Variants in CCNYL1 observed in about 807,000 individuals in gnomAD.
The protein encoded by CCNYL1 is cyclin Y like 1.
CCNYL1 carries 16 observed loss-of-function variants against 44.2 expected under a neutral mutation model. The observed-to-expected ratio is 0.36, with a 90% CI of 0.25 to 0.55. The LOEUF (loss-of-function observed/expected upper bound fraction) is 0.55, where lower values mean the gene tolerates loss of function less well. Among genes scored for constraint, CCNYL1 ranks in the 20% least tolerant of loss-of-function variants. The pLI, the probability that CCNYL1 is intolerant of heterozygous loss-of-function variation, is 0.85. For synonymous variants in CCNYL1, 159 were observed against 163.2 expected (o/e 0.97, Z 0.20); for missense variants, 348 against 451.8 (o/e 0.77, Z 2.08).
In CCNYL1 at chr2:207,711,927, C is replaced by T. The variant is rs1467859888; in HGVS notation, c.31C>T (p.Pro11Ser). The change falls in exon 1 of 10, where the codon CCC (proline) becomes TCC (serine). Residue 11 changes from proline to serine, a missense_variant. Physicochemically the swap from Pro to Ser is moderately conservative, Grantham distance 74. This residue lies in a region of CCNYL1 where 209 missense variants were observed against 247.7 expected (regional missense o/e 0.84). Coordinates refer to ENST00000295414, the MANE Select transcript of CCNYL1 (RefSeq NM_001330218.2). ...GAACACGCTGACCTGTTGCGTGTCC[C>T]CCAATGCCAGCCCCAAGCTGGGCCG... MGNTLTCCVS[P>S]NASPKLGRRA... 1.4e-6 allele frequency: 2 copies of T among 1,398,180 alleles called. No individual in the cohort carries two copies. Among genetic ancestry groups the T allele is most frequent in the Non-Finnish European group, 9.3e-7 (1 of 1,073,452 alleles). 86.6% of individuals were successfully genotyped at this position (1,398,180 alleles called of 1,614,324 possible).
intron 3 of CCNYL1, among the ~76,000 whole-genome samples, chr2:207,727,268 T>A (rs191900458): frequency 3.3e-5 from 5 of 152,350 alleles, no homozygotes; most frequent in Admixed American, 1.3e-4. Flanking sequence ...ACCGTGACCT[T>A]ATTTTCTTCC....
chr2:207,711,823 G>A lies in CCNYL1; in HGVS notation c.-74G>A. ...CGGTGCCGGCCGCGCCATTGTTGGG[G>A]GAGGGGGCGGCTGTTGAGGGCGGCG... On this transcript the variant is annotated 5_prime_UTR_variant, in exon 1 of 10. Transcript: ENST00000295414. 2 of 1,046,696 alleles carry A rather than the reference G, an allele frequency of 1.9e-6. No homozygotes were observed. The highest frequency in any genetic ancestry group is 2.5e-6 in the Non-Finnish European group (2 of 785,992). The allele number at this position is 1,046,696 out of a possible 1,614,324, so 64.8% of individuals were successfully genotyped here.
At chr2:207,713,515 T>G (rs911854288) in intron 1 of CCNYL1, among the ~76,000 whole-genome samples, 10 of 152,166 alleles carry the variant, frequency 6.6e-5, no homozygotes, top group Non-Finnish European at 8.8e-5. Context: ...GAGATAAGTC[T>G]AGGTAAAAAT....
chr2:207,732,419 A>G (rs541345022), intron 3 of CCNYL1, among the ~76,000 whole-genome samples: 1 of 152,314 alleles, frequency 6.6e-6, no homozygotes, highest in African/African-American at 2.4e-5. Context: ...CACTGTATGG[A>G]TATTTCTGAT....
chr2:207,713,080 C>G (rs982778802), intron 1 of CCNYL1, among the ~76,000 whole-genome samples: 1 of 152,202 alleles, frequency 6.6e-6, no homozygotes, highest in African/African-American at 2.4e-5. Context: ...TCCCAAAGTG[C>G]TGGGATTACA....
chr2:207,751,172 A>G lies in CCNYL1; in HGVS notation c.969+53A>G, dbSNP rs538032880. 1.5e-5 allele frequency: 22 copies of G among 1,475,600 alleles called. No individual in the cohort carries two copies. In the East Asian group the frequency reaches 4.5e-4, roughly 30 times the overall value. The allele number at this position is 1,475,600 out of a possible 1,614,324, so 91.4% of individuals were successfully genotyped here. ...TTTTCCATCAGCCACCAAAGCCAAC[A>G]TCTGTGACTAAATCATATTAAGTAG... is the stretch of plus-strand genomic sequence containing the variant. On this transcript the variant is annotated intron_variant, in intron 9 of 9. Transcript: ENST00000295414.
chr2:207,740,084 G>C (rs2663880), intron 5 of CCNYL1, among the ~76,000 whole-genome samples: 23,317 of 151,940 alleles, frequency 0.15, 2,926 homozygotes, highest in East Asian at 0.38. Context: ...ACCACACTTG[G>C]AGAACCACTG....
intron 5 of CCNYL1, among the ~76,000 whole-genome samples, chr2:207,740,114 A>C (rs961055314): frequency 6.6e-6 from 1 of 152,200 alleles, no homozygotes; most frequent in Non-Finnish European, 1.5e-5. Context: ...AATGAGCACA[A>C]TGTATTAGTT....
intron 3 of CCNYL1, among the ~76,000 whole-genome samples, chr2:207,728,684 C>T (rs1241640856): frequency 1.3e-5 from 2 of 152,324 alleles, no homozygotes; most frequent in Non-Finnish European, 2.9e-5. Flanking sequence ...GAATCTGTTG[C>T]CATTGTGTGA....
intron 3 of CCNYL1, among the ~76,000 whole-genome samples, chr2:207,732,214 C>T (rs991198340): frequency 1.3e-5 from 2 of 152,112 alleles, no homozygotes; most frequent in East Asian, 1.9e-4. Context: ...CACACATACA[C>T]AGTTAATGTA....
At chr2:207,730,720 T>C (rs1024015323) in intron 3 of CCNYL1, among the ~76,000 whole-genome samples, 1 of 152,184 alleles carries the variant, frequency 6.6e-6, no homozygotes, top group South Asian at 2.1e-4. Flanking sequence ...ATTGCACCAC[T>C]GCACTCCAGC....
chr2:207,729,386 G>A (rs867360253), intron 3 of CCNYL1, among the ~76,000 whole-genome samples: 33 of 150,752 alleles, frequency 2.2e-4, no homozygotes, highest in African/African-American at 7.5e-4. Context: ...CTTTTTGAAG[G>A]TATTTTAAGA....
chr2:207,752,398 C>T (rs937424707), intron 9 of CCNYL1, among the ~76,000 whole-genome samples: 10 of 151,548 alleles, frequency 6.6e-5, no homozygotes, highest in African/African-American at 1.5e-4. Flanking sequence ...AAAAATTAGC[C>T]GGGCGTGGTG....
chr2:207,717,492 G>A (rs7582672), intron 1 of CCNYL1, among the ~76,000 whole-genome samples: 24,244 of 152,076 alleles, frequency 0.16, 3,252 homozygotes, highest in East Asian at 0.38. Flanking sequence ...GGGAGCTAGG[G>A]ATAGATAATA....
chr2:207,711,967 C>G lies in CCNYL1; in HGVS notation c.71C>G (p.Ala24Gly), dbSNP rs535464072. Reference protein sequence around the residue: ...SPKLGRRAGSAELYCASDIYE... With the variant: ...SPKLGRRAGSGELYCASDIYE... ...AAGCTGGGCCGGCGCGCGGGGTCGG[C>G]GGAGCTGTACTGCGCGTCCGACATC... Residue 24 changes from alanine (A) to glycine (G), a missense_variant, in exon 1 of 10, where the codon GCG becomes GGG. Around this residue, in one of 3 missense-constraint regions of CCNYL1, gnomAD observed 209 missense variants for 247.7 expected, o/e 0.84. Coordinates refer to ENST00000295414, the MANE Select transcript of CCNYL1 (RefSeq NM_001330218.2). 28 of 1,404,804 alleles carry G rather than the reference C, an allele frequency of 2.0e-5. 1 individual carries two copies. The South Asian group carries it at 4.2e-4, about 21-fold the overall frequency. The allele number at this position is 1,404,804 out of a possible 1,614,324, so 87.0% of individuals were successfully genotyped here. A position where few individuals can be genotyped will look rare whatever the true frequency, so the allele number is the denominator to read the frequency against.
At chr2:207,740,769 A>C (rs1285072471) in intron 6 of CCNYL1, 63 bp downstream of exon 6, 1 of 930,550 alleles carries the variant, frequency 1.1e-6, no homozygotes, top group Non-Finnish European at 1.7e-6. Flanking sequence ...TTTCATGCTG[A>C]TATTTATAAA....
At chr2:207,714,227 AG>A (rs2091575217) in intron 1 of CCNYL1, 1 of 381,410 alleles carries the variant, frequency 2.6e-6, no homozygotes, top group Admixed American at 3.6e-5. Flanking sequence ...CCCATAAAAT[AG>A]TCCTGTTTTT....
chr2:207,721,399 A>G (rs1394591061), intron 1 of CCNYL1, among the ~76,000 whole-genome samples: 4 of 152,230 alleles, frequency 2.6e-5, no homozygotes, highest in African/African-American at 9.7e-5. Flanking sequence ...AGCCTTTAGT[A>G]ATAATGCATT....
chr2:207,720,892 C>A (rs13414402), intron 1 of CCNYL1, among the ~76,000 whole-genome samples: 23,618 of 151,956 alleles, frequency 0.16, 3,032 homozygotes, highest in East Asian at 0.39. Flanking sequence ...GGAGGTAGAG[C>A]AGTGTTTCGG....
Sources: gnomAD v4.1 joint callset for allele counts (sites outside exome capture counted in the v4.1 genomes callset) on GRCh38, gnomAD v4.1.1 for gene constraint, gnomAD v4.1.1 regional missense constraint, MANE v1.5 for transcripts, NCBI Gene and HGNC (gene_info 2026-07-23, HGNC 2026-07-21) for gene names.